The following UBAP2L variants were observed in gnomAD, a reference collection of about 807,000 sequenced individuals.
The protein encoded by UBAP2L is ubiquitin-associated protein 2-like.
A neutral mutation model predicts 130.6 loss-of-function variants in UBAP2L; 12 were observed. The observed-to-expected ratio is 0.09, with a 90% CI of 0.06 to 0.15. The LOEUF is 0.15. Ranked by LOEUF, UBAP2L falls within the 10% of genes least tolerant of loss-of-function variation. The pLI, the probability that UBAP2L is intolerant of heterozygous loss-of-function variation, is 1.00. For synonymous variants in UBAP2L, 503 were observed against 524.7 expected (o/e 0.96, Z 0.57); for missense variants, 965 against 1,332.5 (o/e 0.72, Z 4.29).
upstream of UBAP2L, chr1:154,220,307 G>A (rs756060044): frequency 1.6e-5 from 25 of 1,612,172 alleles, no homozygotes; most frequent in Non-Finnish European, 2.1e-5. Flanking sequence ...TGGGTAAGAT[G>A]CGACAGCAGG....
At chr1:154,225,493 A>G (rs1667621080) in intron 2 of UBAP2L, among the ~76,000 whole-genome samples, 1 of 149,962 alleles carries the variant, frequency 6.7e-6, no homozygotes, top group Non-Finnish European at 1.5e-5. Flanking sequence ...TTGTTTTAAG[A>G]TAGGAGCTCC....
At position 154,249,338 on chromosome 1, in the gene UBAP2L, C is replaced by A. The variant is rs1490917514; in HGVS notation, c.1114C>A (p.Leu372Met). ...GGAGCAATTCAAGACTGCCCAAGCC[C>A]TGGCTCAGTTGGCAGCTCAGCATTC... The part of the protein sequence containing the change: ...FLEQFKTAQA[L>M]AQLAAQHSQS... Residue 372 changes from leucine to methionine, a missense_variant, in exon 12 of 27, where the codon CTG becomes ATG. Leu to Met is a conservative substitution (Grantham distance 15). Coordinates refer to ENST00000428931, the MANE Select transcript of UBAP2L (RefSeq NM_014847.4). 2 of 1,614,184 alleles carry A rather than the reference C, an allele frequency of 1.2e-6. No individual in the cohort carries two copies. The highest frequency in any genetic ancestry group is 1.7e-6 in the Non-Finnish European group (2 of 1,180,038).
chr1:154,262,130 T>C (rs1239908318), intron 24 of UBAP2L, among the ~76,000 whole-genome samples: 1 of 152,210 alleles, frequency 6.6e-6, no homozygotes, highest in Non-Finnish European at 1.5e-5. Context: ...CTTAAATCAC[T>C]TTGTAGCACT....
At chr1:154,220,744 G>C (rs1260088459), upstream of UBAP2L, 3 of 321,316 alleles carry the variant, frequency 9.3e-6, no homozygotes, top group Non-Finnish European at 1.8e-5. Context: ...GAAGGAGGCG[G>C]GGTGGACTCG....
At chr1:154,242,488 C>T (rs1361539384) in intron 9 of UBAP2L, among the ~76,000 whole-genome samples, 2 of 152,114 alleles carry the variant, frequency 1.3e-5, no homozygotes, top group East Asian at 1.9e-4. Flanking sequence ...TTGGCTTGTC[C>T]GCTTAAGCAA....
chr1:154,237,119 A>G lies in UBAP2L; in HGVS notation c.686A>G (p.Glu229Gly). The change falls in exon 8 of 27, where the codon GAA becomes GGA. Residue 229 changes from glutamate (E) to glycine (G), a missense_variant. Glu to Gly is a moderately conservative substitution (Grantham distance 98, BLOSUM62 -2). Transcript: ENST00000428931. ...GNTWNNTGHF[E>G]PDDGTSAWRT... ...ACGTGGAACAACACTGGCCACTTTG[A>G]ACCAGATGATGGGACGAGTGAGTGA... The G allele has an allele frequency of 6.2e-7, 1 of 1,614,044 alleles. No individual in the cohort carries two copies.
rs1681311603 is a variant in UBAP2L, at chr1:154,260,784, T to C, written c.2579-108T>C. ...AAATGTAATTCAAGGAATTGAACTT[T>C]AATAGTCTTTGAACAGGATCTCCTG... On this transcript the variant is annotated intron_variant, in intron 22 of 26. Transcript: ENST00000428931. 5.5e-6 allele frequency: 6 copies of C among 1,082,186 alleles called. No individual in the cohort carries two copies. In the Admixed American group the frequency reaches 1.2e-4, roughly 21 times the overall value. 67.0% of individuals were successfully genotyped at this position (1,082,186 alleles called of 1,614,324 possible). A position where few individuals can be genotyped will look rare whatever the true frequency, so the allele number is the denominator to read the frequency against.
At position 154,246,185 on chromosome 1, in the gene UBAP2L, C is replaced by G. The variant is rs1571801191; in HGVS notation, c.843-19C>G. 6 of 1,588,856 alleles carry G rather than the reference C, an allele frequency of 3.8e-6. No individual in the cohort carries two copies. In the East Asian group the frequency reaches 1.1e-4, roughly 30 times the overall value. ...GTGTTCAGTCATTCTTCATGAAGAT[C>G]CCTTCCCTTCCCCATTAGAATTGAC... On this transcript the variant is annotated intron_variant, in intron 10 of 26. Transcript: ENST00000428931.
At chr1:154,234,446 A>G (rs1670959463) in intron 4 of UBAP2L, 145 bp from the exon 5 acceptor site, 1 of 689,722 alleles carries the variant, frequency 1.4e-6, no homozygotes. Flanking sequence ...ATATTTAAAC[A>G]GAAGTAAAAG....
intron 1 of UBAP2L, 35 bp from the exon 2 acceptor site, chr1:154,225,049 A>T: frequency 6.6e-7 from 1 of 1,507,528 alleles, no homozygotes; most frequent in South Asian, 1.2e-5. Context: ...TATTTTGCCC[A>T]CATTTAATAC....
intron 1 of UBAP2L, among the ~76,000 whole-genome samples, chr1:154,223,893 C>T (rs906872913): frequency 2.6e-5 from 4 of 152,110 alleles, no homozygotes; most frequent in African/African-American, 4.8e-5. Context: ...TCTAGAATTA[C>T]GTTGTATAAG....
chr1:154,255,017 A>C, intron 16 of UBAP2L, 127 bp downstream of exon 16: 1 of 1,423,730 alleles, frequency 7.0e-7, no homozygotes, highest in Non-Finnish European at 9.5e-7. Flanking sequence ...ATTAAAGAAA[A>C]AAGATTCTAC....
At chr1:154,229,738 A>G (rs1216248059) in intron 4 of UBAP2L, among the ~76,000 whole-genome samples, 1 of 152,178 alleles carries the variant, frequency 6.6e-6, no homozygotes, top group East Asian at 1.9e-4. Flanking sequence ...TGCTGGGATT[A>G]TGGGCATGAG....
intron 26 of UBAP2L, among the ~76,000 whole-genome samples, chr1:154,269,993 T>C (rs1684396723): frequency 6.6e-6 from 1 of 152,104 alleles, no homozygotes; most frequent in South Asian, 2.1e-4. Context: ...CCTCTTCATC[T>C]TTTCCCTATT....
chr1:154,223,891 T>TA, intron 1 of UBAP2L, among the ~76,000 whole-genome samples: 1 of 152,322 alleles, frequency 6.6e-6, no homozygotes, highest in South Asian at 2.1e-4. Flanking sequence ...AGTCTAGAAT[T>TA]ACGTTGTATA....
intron 26 of UBAP2L, chr1:154,269,532 A>G: frequency 1.3e-6 from 1 of 765,634 alleles, no homozygotes; most frequent in Non-Finnish European, 1.9e-6. Context: ...ACAAACACAA[A>G]CACCTTGCTG....
intron 8 of UBAP2L, among the ~76,000 whole-genome samples, chr1:154,237,953 T>TG (rs771044318): frequency 6.6e-6 from 1 of 152,212 alleles, no homozygotes; most frequent in Non-Finnish European, 1.5e-5. Context: ...CTTGAACAGC[T>TG]GCCTCATTCT....
At chr1:154,235,791 G>T (rs1377734423) in intron 6 of UBAP2L, among the ~76,000 whole-genome samples, 2 of 152,088 alleles carry the variant, frequency 1.3e-5, no homozygotes, top group Admixed American at 1.3e-4. Context: ...TGTAGAGATG[G>T]AGTCTCAATA....
intron 8 of UBAP2L, among the ~76,000 whole-genome samples, chr1:154,237,779 A>G (rs962938729): frequency 6.6e-6 from 1 of 152,080 alleles, no homozygotes; most frequent in East Asian, 1.9e-4. Context: ...TTTGAATAAG[A>G]TTACTTTTTT....
Sources: allele counts gnomAD v4.1 joint callset (sites outside exome capture counted in the v4.1 genomes callset), GRCh38; gene constraint gnomAD v4.1.1; transcripts MANE v1.5; gene names NCBI Gene and HGNC (gene_info 2026-07-23, HGNC 2026-07-21).